The following TAFA5 variants were observed in gnomAD, a reference collection of about 807,000 sequenced individuals.
TAFA5 encodes chemokine-like protein TAFA-5.
A neutral mutation model predicts 15.3 loss-of-function variants in TAFA5; 6 were observed. The observed-to-expected ratio is 0.39, with a 90% CI of 0.21 to 0.77. TAFA5 has a LOEUF of 0.77. Among genes scored for constraint, TAFA5 ranks in the 30% least tolerant of loss-of-function variants. The pLI, the probability that TAFA5 is intolerant of heterozygous loss-of-function variation, is 0.41. For synonymous variants in TAFA5, 103 were observed against 80.7 expected, an observed-to-expected ratio of 1.28 and a Z score of -1.48; for missense variants, 161 against 193.1, an observed-to-expected ratio of 0.83 and a Z score of 0.98.
intron 1 of TAFA5, among the ~76,000 whole-genome samples, chr22:48,643,946 C>G (rs561870321): frequency 4.6e-5 from 7 of 152,358 alleles, no homozygotes; most frequent in Non-Finnish European, 1.0e-4. Context: ...ATCCTCAGAT[C>G]ACAGTGACTT....
At chr22:48,664,500 G>A (rs1386622086) in intron 2 of TAFA5, among the ~76,000 whole-genome samples, 2 of 152,174 alleles carry the variant, frequency 1.3e-5, no homozygotes, top group Non-Finnish European at 2.9e-5. Context: ...GCCCAAAATA[G>A]GTGACTATTC....
At chr22:48,729,540 CCAGT>C (rs1182423586) in intron 3 of TAFA5, among the ~76,000 whole-genome samples, 1 of 147,900 alleles carries the variant, frequency 6.8e-6, no homozygotes, top group Non-Finnish European at 1.5e-5. Context: ...GCCTCTTACA[CCAGT>C]CAGTCAAGTT....
rs141893353 is a variant in TAFA5 at position 48,603,438 on chromosome 22, G to A, written c.113-43159G>A. On this transcript the variant is annotated intron_variant, in intron 1 of 3. Transcript: ENST00000402357. ...TGATCACCCTGGGGACAGTGGTGCC[G>A]GGTGTCTGACGGTCTCCTTGTGCCC... is the stretch of plus-strand genomic sequence containing the variant. 6.5e-3 allele frequency among the ~76,000 whole-genome samples: 995 copies of A among 152,342 alleles called. 11 individuals carry two copies. The highest frequency in any genetic ancestry group is 0.023 in the African/African-American group (946 of 41,582).
intron 1 of TAFA5, among the ~76,000 whole-genome samples, chr22:48,614,720 G>A (rs192998467): frequency 6.6e-6 from 1 of 152,324 alleles, no homozygotes; most frequent in East Asian, 1.9e-4. Flanking sequence ...TGCTCCTGTC[G>A]CAAGCAAGTA....
chr22:48,642,488 G>T (rs982427628), intron 1 of TAFA5, among the ~76,000 whole-genome samples: 1 of 152,178 alleles, frequency 6.6e-6, no homozygotes, highest in Non-Finnish European at 1.5e-5. Context: ...TGAGCAGAGG[G>T]GCGGTCAGCA....
intron 3 of TAFA5, among the ~76,000 whole-genome samples, chr22:48,723,630 G>A (rs1569094782): frequency 1.3e-5 from 2 of 152,222 alleles, no homozygotes; most frequent in African/African-American, 4.8e-5. Flanking sequence ...CCCCTGCCTG[G>A]AAGAGTGACT....
At chr22:48,512,465 G>A (rs377736130) in intron 1 of TAFA5, among the ~76,000 whole-genome samples, 13 of 151,896 alleles carry the variant, frequency 8.6e-5, no homozygotes, top group South Asian at 2.1e-4. Flanking sequence ...AAAATTAGCC[G>A]GGTGCAGTGG....
At position 48,558,026 on chromosome 22, in the gene TAFA5, T is replaced by A. The variant is rs181827159; in HGVS notation, c.112+68322T>A. Among the ~76,000 whole-genome samples the A allele has an allele frequency of 1.6e-3, 243 of 150,964 alleles. 2 individuals carry two copies. The highest frequency in any genetic ancestry group is 5.6e-3 in the African/African-American group (229 of 41,058). ...CAGAGGCCCCAGTCTGAGGGGGGAG[T>A]GGTCTTGTTTCCCTCCCCTGTCTCC... On this transcript the variant is annotated intron_variant, in intron 1 of 3. Coordinates refer to ENST00000402357, the MANE Select transcript of TAFA5 (RefSeq NM_001082967.3).
intron 3 of TAFA5, among the ~76,000 whole-genome samples, chr22:48,745,397 ATGGG>A (rs1930299190): frequency 1.5e-5 from 2 of 133,924 alleles, no homozygotes; most frequent in East Asian, 2.3e-4. Flanking sequence ...CACCCTGAGC[ATGGG>A]CACACACGGC....
At chr22:48,543,974 CA>C (rs1438179241) in intron 1 of TAFA5, 1 of 152,276 alleles carries the variant, frequency 6.6e-6, no homozygotes, top group African/African-American at 2.4e-5. Flanking sequence ...GAGGAGCTCC[CA>C]GGGGCCTGGG....
chr22:48,670,426 GCACTGGGTAAA>G (rs137948156), intron 2 of TAFA5, among the ~76,000 whole-genome samples: 2,415 of 152,366 alleles, frequency 0.016, 40 homozygotes, highest in Middle Eastern at 0.048. Flanking sequence ...GGCCTGGTGG[GCACTGGGTAAA>G]CACACCCATG....
chr22:48,615,703 C>G (rs1292468319), intron 1 of TAFA5, among the ~76,000 whole-genome samples: 1 of 152,146 alleles, frequency 6.6e-6, no homozygotes, highest in African/African-American at 2.4e-5. Flanking sequence ...CCGCCCCCAT[C>G]CCCCCCTCTC....
Position 48,742,676 on chromosome 22 carries a change from G to A in TAFA5, c.391-7163G>A, listed in dbSNP as rs562623260. Among the ~76,000 whole-genome samples, 28 of 152,074 alleles carry A rather than the reference G, an allele frequency of 1.8e-4. No homozygotes were observed. Among genetic ancestry groups the A allele is most frequent in the South Asian group, 6.2e-4 (3 of 4,810 alleles). ...GGTGGACCAGGCAACGTGGTAGACC[G>A]GGCAGTGTGATGGACCAGGCGACGT... is the stretch of plus-strand genomic sequence containing the variant. On this transcript the variant is annotated intron_variant, in intron 3 of 3. Transcript: ENST00000402357. This position sits in a 1 kb window ranked among gnomAD's most constrained non-coding sequence, Gnocchi z 6.2.
intron 1 of TAFA5, among the ~76,000 whole-genome samples, chr22:48,640,114 G>A (rs1053125551): frequency 2.6e-5 from 4 of 152,222 alleles, no homozygotes; most frequent in African/African-American, 4.8e-5. Flanking sequence ...AGATGGGGCC[G>A]GCGCCAGGCT....
At chr22:48,579,512 G>A (rs745718683) in intron 1 of TAFA5, among the ~76,000 whole-genome samples, 14 of 152,340 alleles carry the variant, frequency 9.2e-5, no homozygotes, top group South Asian at 4.1e-4. Context: ...AGAGCCGGCC[G>A]CTTCCTTAGG....
chr22:48,664,961 A>G (rs1408624932), intron 2 of TAFA5, among the ~76,000 whole-genome samples: 2 of 152,162 alleles, frequency 1.3e-5, no homozygotes, highest in Non-Finnish European at 2.9e-5. Context: ...TTCGCCTTGG[A>G]GTGGCAGGGC....
intron 1 of TAFA5, among the ~76,000 whole-genome samples, chr22:48,626,802 A>T (rs1926039643): frequency 6.6e-6 from 1 of 152,182 alleles, no homozygotes; most frequent in Non-Finnish European, 1.5e-5. Context: ...GTTTATTTCT[A>T]CAAGTTTCAT....
chr22:48,524,913 G>T (rs541158548), intron 1 of TAFA5, among the ~76,000 whole-genome samples: 1 of 152,260 alleles, frequency 6.6e-6, no homozygotes, highest in African/African-American at 2.4e-5. Flanking sequence ...TGATCCAGGC[G>T]CGGGTTTCCT....
intron 1 of TAFA5, among the ~76,000 whole-genome samples, chr22:48,524,243 C>T (rs370852243): frequency 1.2e-4 from 18 of 152,224 alleles, no homozygotes; most frequent in East Asian, 1.9e-4. Flanking sequence ...CAAAAGCCTG[C>T]GTGGCTTTGA....
Sources: allele counts gnomAD v4.1 joint callset (sites outside exome capture counted in the v4.1 genomes callset), GRCh38; gene constraint gnomAD v4.1.1; non-coding constraint Gnocchi (gnomAD v3.1); transcripts MANE v1.5; gene names NCBI Gene and HGNC (gene_info 2026-07-23, HGNC 2026-07-21).